Variants in CLSTN2 observed in about 807,000 individuals in gnomAD.
CLSTN2 encodes calsyntenin-2.
In CLSTN2, 48 loss-of-function variants were observed where a neutral mutation model predicts 101.2. The ratio of observed to expected loss-of-function variants is 0.47; its 90% CI spans 0.38 to 0.60. The LOEUF is 0.60. Among genes scored for constraint, CLSTN2 ranks in the 20% least tolerant of loss-of-function variants. The pLI, the probability that CLSTN2 is intolerant of heterozygous loss-of-function variation, is 0.00. For synonymous variants in CLSTN2, 481 were observed against 463.6 expected (o/e 1.04, Z -0.48); for missense variants, 1,160 against 1,238.2 (o/e 0.94, Z 0.95).
At chr3:140,016,235 G>A (rs1467561017) in intron 1 of CLSTN2, among the ~76,000 whole-genome samples, 1 of 152,218 alleles carries the variant, frequency 6.6e-6, no homozygotes, top group Non-Finnish European at 1.5e-5. Context: ...GGAGAGCTGA[G>A]ACTGGCTTGG....
At chr3:140,208,849 G>A (rs2010818129) in intron 2 of CLSTN2, among the ~76,000 whole-genome samples, 1 of 152,104 alleles carries the variant, frequency 6.6e-6, no homozygotes, top group East Asian at 1.9e-4. Flanking sequence ...GAGAATAAAG[G>A]GAGTCAGTAC....
At chr3:140,209,666 G>A (rs1034757584) in intron 2 of CLSTN2, among the ~76,000 whole-genome samples, 2 of 152,096 alleles carry the variant, frequency 1.3e-5, no homozygotes, top group African/African-American at 4.8e-5. Context: ...AGTTCCCTGG[G>A]CTAAGGATGC....
chr3:139,999,565 C>A (rs749048320), intron 1 of CLSTN2, among the ~76,000 whole-genome samples: 1 of 152,046 alleles, frequency 6.6e-6, no homozygotes, highest in Admixed American at 6.6e-5. Flanking sequence ...CAGAGAGGGG[C>A]AGCTCTTCTG....
At chr3:140,077,762 A>G (rs964795452) in intron 1 of CLSTN2, among the ~76,000 whole-genome samples, 4 of 151,968 alleles carry the variant, frequency 2.6e-5, no homozygotes, top group African/African-American at 7.2e-5. Flanking sequence ...CACTGCCCAC[A>G]AAGCTCTTTC....
chr3:140,411,160 A>G (rs1159109087), intron 4 of CLSTN2, among the ~76,000 whole-genome samples: 1 of 152,232 alleles, frequency 6.6e-6, no homozygotes. Context: ...ACAAGACCCA[A>G]CTATATGATG....
intron 8 of CLSTN2, among the ~76,000 whole-genome samples, chr3:140,500,463 G>T (rs1014950462): frequency 2.0e-5 from 3 of 152,216 alleles, no homozygotes; most frequent in African/African-American, 4.8e-5. Context: ...CTACAGTCAT[G>T]AATGTAAAAC....
chr3:140,425,520 C>T lies in CLSTN2; in HGVS notation c.787+4246C>T, dbSNP rs556793529. On this transcript the variant is annotated intron_variant, in intron 5 of 16. Coordinates refer to ENST00000458420, the MANE Select transcript of CLSTN2 (RefSeq NM_022131.3). ...CAAGGCTATGGTTTTCTTATTCCTG[C>T]CTTTTCTCTGTGGGTTGGTCTTATC... 1.3e-4 allele frequency among the ~76,000 whole-genome samples: 20 copies of T among 152,328 alleles called. No individual in the cohort carries two copies. In the South Asian group the frequency reaches 4.1e-3, roughly 32 times the overall value.
chr3:140,421,213 C>G lies in CLSTN2; in HGVS notation c.726C>G (p.Pro242=). 6.2e-7 allele frequency: 1 copy of G among 1,614,132 alleles called. No homozygotes were observed. Among genetic ancestry groups the G allele is most frequent in the Non-Finnish European group, 8.5e-7 (1 of 1,180,006 alleles). Residue 242 remains proline, a synonymous_variant, in exon 5 of 17, where the codon CCC becomes CCG. Coordinates refer to ENST00000458420, the MANE Select transcript of CLSTN2 (RefSeq NM_022131.3). ...CCGCCTACGACTGTGGACAGAAGCC[C>G]GCTGCTCAGGACACCCTGGTGCAGG... is the stretch of plus-strand genomic sequence containing the variant. ...LVTAYDCGQK[P]AAQDTLVQVD...
intron 8 of CLSTN2, among the ~76,000 whole-genome samples, chr3:140,496,956 C>A (rs901891513): frequency 6.6e-6 from 1 of 152,118 alleles, no homozygotes; most frequent in African/African-American, 2.4e-5. Context: ...CAAAAATTAG[C>A]CGGACGTGGT....
chr3:140,432,428 T>C (rs1344206482), intron 5 of CLSTN2, among the ~76,000 whole-genome samples: 1 of 152,188 alleles, frequency 6.6e-6, no homozygotes, highest in Non-Finnish European at 1.5e-5. Flanking sequence ...AAAATCATTA[T>C]TGAGGCCTGA....
chr3:140,281,530 A>G (rs1179814962), intron 2 of CLSTN2, among the ~76,000 whole-genome samples: 1 of 152,270 alleles, frequency 6.6e-6, no homozygotes, highest in Non-Finnish European at 1.5e-5. Flanking sequence ...AGAAACACGT[A>G]GAGGAAGGGA....
intron 2 of CLSTN2, among the ~76,000 whole-genome samples, chr3:140,193,268 T>TC (rs1321796779): frequency 2.0e-5 from 3 of 148,088 alleles, no homozygotes; most frequent in Non-Finnish European, 4.5e-5. Flanking sequence ...ATAGTTTTTT[T>TC]TTTTTTTTTT....
intron 1 of CLSTN2, among the ~76,000 whole-genome samples, chr3:140,040,545 C>T (rs921837478): frequency 6.6e-6 from 1 of 151,838 alleles, no homozygotes; most frequent in African/African-American, 2.4e-5. Context: ...ACTAATGTCC[C>T]ACAGGTGCAC....
At chr3:140,291,024 C>A (rs2086941452) in intron 2 of CLSTN2, among the ~76,000 whole-genome samples, 1 of 152,132 alleles carries the variant, frequency 6.6e-6, no homozygotes, top group Non-Finnish European at 1.5e-5. Context: ...TTCTTCACAT[C>A]ACCTTCAATT....
rs950313834 is a variant in CLSTN2, at chr3:140,039,860, AC to A, written c.109+104378del. Reference sequence around the variant, plus strand: ...AAATAAGTATAAACAAATGAATTAAACAATACCAACTAGATTAAAAGATGAC... The same window carrying A: ...AAATAAGTATAAACAAATGAATTAAAAATACCAACTAGATTAAAAGATGAC... On this transcript the variant is annotated intron_variant, in intron 1 of 16. Coordinates refer to ENST00000458420, the MANE Select transcript of CLSTN2 (RefSeq NM_022131.3). Among the ~76,000 whole-genome samples, 20 of 152,314 alleles carry A rather than the reference AC, an allele frequency of 1.3e-4. No individual in the cohort carries two copies. In the East Asian group the frequency reaches 2.3e-3, roughly 18 times the overall value.
intron 2 of CLSTN2, among the ~76,000 whole-genome samples, chr3:140,275,181 C>A (rs1038212351): frequency 7.9e-5 from 12 of 152,124 alleles, no homozygotes; most frequent in Non-Finnish European, 1.3e-4. Flanking sequence ...AGGCTGAAGC[C>A]ACCTTCCACA....
chr3:140,131,848 C>T (rs1708545301), intron 1 of CLSTN2, among the ~76,000 whole-genome samples: 1 of 152,072 alleles, frequency 6.6e-6, no homozygotes, highest in Admixed American at 6.6e-5. Context: ...GGGGAGAATG[C>T]TAGCACCGAG....
At chr3:140,512,741 A>G (rs1934839610) in intron 8 of CLSTN2, among the ~76,000 whole-genome samples, 3 of 152,208 alleles carry the variant, frequency 2.0e-5, no homozygotes, top group African/African-American at 7.2e-5. Context: ...CTTCCTATTC[A>G]TGATCATAGA....
chr3:140,151,623 T>C lies in CLSTN2; in HGVS notation c.110-24328T>C, dbSNP rs2009867393. On this transcript the variant is annotated intron_variant, in intron 1 of 16. Transcript: ENST00000458420. ...GGAGGATGCCTTGGAGGGTACGACA[T>C]GGGAAGACAATCAAAGGCACTCACC... is the stretch of plus-strand genomic sequence containing the variant. Among the ~76,000 whole-genome samples the C allele has an allele frequency of 2.0e-5, 3 of 152,052 alleles. No individual in the cohort carries two copies. The South Asian group carries it at 6.2e-4, about 32-fold the overall frequency.
Sources: gnomAD v4.1 joint callset for allele counts (sites outside exome capture counted in the v4.1 genomes callset) on GRCh38, gnomAD v4.1.1 for gene constraint, MANE v1.5 for transcripts, NCBI Gene and HGNC (gene_info 2026-07-23, HGNC 2026-07-21) for gene names.